The following HTR2C variants were observed in gnomAD, a reference collection of about 807,000 sequenced individuals.
HTR2C encodes 5-hydroxytryptamine receptor 2C, also known as 5-hydroxytryptamine (serotonin) receptor 2C, G protein-coupled.
HTR2C carries 5 observed loss-of-function variants against 21.0 expected under a neutral mutation model. The ratio of observed to expected loss-of-function variants is 0.24; its 90% confidence interval spans 0.12 to 0.50. The LOEUF is 0.50. Ranked by LOEUF, HTR2C falls within the 20% of genes least tolerant of loss-of-function variation. The pLI is 0.98. For synonymous variants in HTR2C, 150 were observed against 145.3 expected (o/e 1.03, Z -0.23); for missense variants, 271 against 371.2 (o/e 0.73, Z 2.22).
At chrX:114,762,066 A>G (rs2069884539) in intron 4 of HTR2C, among the ~76,000 whole-genome samples, 2 of 102,501 alleles carry the variant, frequency 2.0e-5, no homozygotes, top group Admixed American at 1.1e-4. Flanking sequence ...TTCTAGATAT[A>G]TATGCATGAC....
At chrX:114,837,853 T>G (rs930397813) in intron 4 of HTR2C, among the ~76,000 whole-genome samples, 1 of 111,687 alleles carries the variant, frequency 9.0e-6, no homozygotes, top group Non-Finnish European at 1.9e-5. Flanking sequence ...AAATTTAATG[T>G]AATTGAAATA....
At chrX:114,724,940 C>T (rs188237112) in intron 2 of HTR2C, among the ~76,000 whole-genome samples, 454 of 109,698 alleles carry the variant, frequency 4.1e-3, no homozygotes, top group Non-Finnish European at 6.8e-3. Context: ...TCTCTGGCTG[C>T]CTTTAACATT....
intron 5 of HTR2C, among the ~76,000 whole-genome samples, chrX:114,875,697 T>C (rs781934285): frequency 3.6e-5 from 4 of 111,315 alleles, no homozygotes; most frequent in African/African-American, 1.3e-4. Flanking sequence ...TCTCAAAGAC[T>C]ATTTAACTAT....
At chrX:114,904,867 C>T (rs2071360343) in intron 5 of HTR2C, among the ~76,000 whole-genome samples, 1 of 97,236 alleles carries the variant, frequency 1.0e-5, no homozygotes, top group Non-Finnish European at 2.0e-5. Flanking sequence ...TTAAACAACA[C>T]AGTCTGGCAG....
In HTR2C at chrX:114,717,190, G is replaced by A. The variant is rs150965533; in HGVS notation, c.-79-9668G>A. On this transcript the variant is annotated intron_variant, in intron 2 of 5. Transcript: ENST00000276198. ...GAGTTCAAGGGATCCTCCCACCTCA[G>A]CCTCTCAAGTAGCTAGGACCAGAGG... Among the ~76,000 whole-genome samples the A allele has an allele frequency of 6.1e-3, 674 of 110,065 alleles. 5 individuals are homozygous for A. Among genetic ancestry groups the A allele is most frequent in the African/African-American group, 0.021 (639 of 30,303 alleles).
At chrX:114,872,872 A>T (rs2071103125) in intron 5 of HTR2C, among the ~76,000 whole-genome samples, 1 of 111,708 alleles carries the variant, frequency 9.0e-6, no homozygotes, top group African/African-American at 3.2e-5. Flanking sequence ...GCCTCCAGCT[A>T]TCACTGTGGA....
At chrX:114,807,557 TACAG>T (rs1402689326) in intron 4 of HTR2C, among the ~76,000 whole-genome samples, 1 of 107,062 alleles carries the variant, frequency 9.3e-6, no homozygotes, top group African/African-American at 3.4e-5. Context: ...GATATTTTGA[TACAG>T]ACATACAATG....
intron 2 of HTR2C, among the ~76,000 whole-genome samples, chrX:114,700,385 C>T (rs1258156238): frequency 1.8e-5 from 2 of 111,765 alleles, no homozygotes. Flanking sequence ...AATAACTACC[C>T]TGCAGAAAGA....
intron 4 of HTR2C, among the ~76,000 whole-genome samples, chrX:114,841,860 G>A (rs782593008): frequency 8.9e-5 from 10 of 112,438 alleles, no homozygotes; most frequent in African/African-American, 2.6e-4. Context: ...TCTGGTAACT[G>A]TTAAAAGTAA....
chrX:114,693,459 T>A (rs1367105213), intron 2 of HTR2C, among the ~76,000 whole-genome samples: 2 of 111,234 alleles, frequency 1.8e-5, no homozygotes, highest in African/African-American at 6.5e-5. Flanking sequence ...CAGTAAAGAG[T>A]TATGATAAAT....
intron 2 of HTR2C, among the ~76,000 whole-genome samples, chrX:114,621,467 C>G (rs149290801): frequency 7.1e-4 from 79 of 111,719 alleles, no homozygotes; most frequent in African/African-American, 2.5e-3. Flanking sequence ...TATTATTTAT[C>G]TTTTTGTATT....
At chrX:114,633,159 G>A (rs781892609) in intron 2 of HTR2C, among the ~76,000 whole-genome samples, 2 of 111,025 alleles carry the variant, frequency 1.8e-5, no homozygotes, top group African/African-American at 3.3e-5. Context: ...TTTTCCTAAG[G>A]GAAGCATGCT....
At chrX:114,851,085 A>G (rs2070913625) in intron 5 of HTR2C, among the ~76,000 whole-genome samples, 1 of 112,016 alleles carries the variant, frequency 8.9e-6, no homozygotes, top group African/African-American at 3.2e-5. Flanking sequence ...ATGTAGATAC[A>G]TATGTAATAT....
chrX:114,719,759 CATGTAAAAA>C (rs1556420346), intron 2 of HTR2C, among the ~76,000 whole-genome samples: 1 of 110,955 alleles, frequency 9.0e-6, no homozygotes, highest in Non-Finnish European at 1.9e-5. Context: ...CAGGAATATA[CATGTAAAAA>C]AGCATAAGGA....
At chrX:114,678,095 A>G in intron 2 of HTR2C, among the ~76,000 whole-genome samples, 1 of 111,406 alleles carries the variant, frequency 9.0e-6, no homozygotes, top group Middle Eastern at 4.6e-3. Context: ...TGTGCTTTGA[A>G]TTATTTTTGG....
intron 4 of HTR2C, among the ~76,000 whole-genome samples, chrX:114,796,921 G>A (rs1392822133): frequency 2.7e-5 from 3 of 111,790 alleles, no homozygotes; most frequent in Non-Finnish European, 5.7e-5. Flanking sequence ...CCAAGAAAAT[G>A]TGACTCTCAT....
chrX:114,628,341 T>C lies in HTR2C; in HGVS notation c.-80+14460T>C, dbSNP rs193143629. On this transcript the variant is annotated intron_variant, in intron 2 of 5. Transcript: ENST00000276198. ...GCAACTTCTGCTGCCCGGGTTCAAG[T>C]GATTCTTGTGCCTCAGGCTCCCGAG... Among the ~76,000 whole-genome samples, 548 of 107,958 alleles carry C rather than the reference T, an allele frequency of 5.1e-3. 4 individuals are homozygous for C. The highest frequency in any genetic ancestry group is 0.017 in the African/African-American group (517 of 29,613). The allele number at this position is 107,958 out of a possible 115,157, so 93.7% of individuals were successfully genotyped here.
At chrX:114,860,156 T>C (rs1408332551) in intron 5 of HTR2C, among the ~76,000 whole-genome samples, 4 of 111,748 alleles carry the variant, frequency 3.6e-5, no homozygotes, top group African/African-American at 1.3e-4. Flanking sequence ...AGTAACAGAA[T>C]GTGTGTTTTG....
chrX:114,596,304 T>C (rs1602624244), intron 1 of HTR2C, among the ~76,000 whole-genome samples: 1 of 112,352 alleles, frequency 8.9e-6, no homozygotes, highest in African/African-American at 3.2e-5. Context: ...TGAATAATAT[T>C]ATCCCAAAGT....
Sources: allele counts gnomAD v4.1 joint callset (sites outside exome capture counted in the v4.1 genomes callset), GRCh38; gene constraint gnomAD v4.1.1; transcripts MANE v1.5; gene names NCBI Gene and HGNC (gene_info 2026-07-23, HGNC 2026-07-21).